Variants in USP33 observed in about 807,000 individuals in gnomAD.
USP33 encodes the protein ubiquitin carboxyl-terminal hydrolase 33.
Under a neutral mutation model 124.2 loss-of-function variants are expected in USP33, and 46 were observed. That is an observed-to-expected ratio of 0.37 (90% CI 0.29 to 0.47). The LOEUF is 0.47. Ranked by LOEUF, USP33 falls within the 20% of genes least tolerant of loss-of-function variation. The pLI is 0.99. For missense variants in USP33, 851 were observed against 1,070.6 expected (o/e 0.79, Z 2.86); for synonymous variants, 350 against 352.3 (o/e 0.99, Z 0.07).
Position 77,719,856 on chromosome 1 carries a change from G to GAA in USP33, c.1692-1217_1692-1216dup, listed in dbSNP as rs554573074. 6.8e-3 allele frequency among the ~76,000 whole-genome samples: 682 copies of GAA among 100,192 alleles called. 11 individuals carry two copies. Among genetic ancestry groups the GAA allele is most frequent in the African/African-American group, 0.018 (549 of 29,770 alleles). 65.7% of individuals were successfully genotyped at this position (100,192 alleles called of 152,430 possible). ...GCGACAGAGCAAGGCTCCCTCTCAA[G>GAA]AAAAAAAAAAAAAAAAAAGTCTTGG... is the stretch of plus-strand genomic sequence containing the variant. On this transcript the variant is annotated intron_variant, in intron 15 of 23. Transcript: ENST00000370794.
At chr1:77,731,203 T>G (rs1677767638) in intron 7 of USP33, among the ~76,000 whole-genome samples, 1 of 152,232 alleles carries the variant, frequency 6.6e-6, no homozygotes, top group African/African-American at 2.4e-5. Context: ...CCAATGATGG[T>G]CAAATTTATA....
intron 5 of USP33, among the ~76,000 whole-genome samples, chr1:77,738,506 A>C (rs1210540820): frequency 6.6e-6 from 1 of 150,426 alleles, no homozygotes; most frequent in Non-Finnish European, 1.5e-5. Flanking sequence ...TTTTAGATGG[A>C]GTCTCACTCT....
At chr1:77,733,832 T>C (rs1678121989) in intron 7 of USP33, among the ~76,000 whole-genome samples, 1 of 152,198 alleles carries the variant, frequency 6.6e-6, no homozygotes, top group Non-Finnish European at 1.5e-5. Context: ...TGCTCTATAA[T>C]TTAATCCAAG....
At chr1:77,708,444 T>C (rs909584652) in intron 21 of USP33, among the ~76,000 whole-genome samples, 6 of 152,222 alleles carry the variant, frequency 3.9e-5, no homozygotes, top group South Asian at 2.1e-4. Flanking sequence ...GCTAACATCT[T>C]TAACAGCAGC....
At chr1:77,711,062 A>G (rs1675191514) in intron 21 of USP33, among the ~76,000 whole-genome samples, 1 of 152,160 alleles carries the variant, frequency 6.6e-6, no homozygotes, top group Non-Finnish European at 1.5e-5. Flanking sequence ...GAGTCCCTCA[A>G]AAAAACAAAA....
At chr1:77,708,836 T>C (rs1466025879) in intron 21 of USP33, among the ~76,000 whole-genome samples, 3 of 152,070 alleles carry the variant, frequency 2.0e-5, no homozygotes, top group Non-Finnish European at 2.9e-5. Flanking sequence ...TGGCACATAA[T>C]TTTGATTTTG....
At chr1:77,712,994 CAGAT>C (rs1450763336) in intron 20 of USP33, among the ~76,000 whole-genome samples, 1 of 152,156 alleles carries the variant, frequency 6.6e-6, no homozygotes, top group African/African-American at 2.4e-5. Flanking sequence ...CATACCTTCA[CAGAT>C]AGATAATTAG....
intron 1 of USP33, among the ~76,000 whole-genome samples, chr1:77,759,094 G>A (rs1485789618): frequency 6.6e-6 from 1 of 152,200 alleles, no homozygotes; most frequent in Admixed American, 6.5e-5. Flanking sequence ...GGCTGCAGAT[G>A]GACAGAAGGT....
chr1:77,757,860 CATGAGG>C (rs1173360117), intron 1 of USP33, among the ~76,000 whole-genome samples: 1 of 152,172 alleles, frequency 6.6e-6, no homozygotes, highest in Non-Finnish European at 1.5e-5. Context: ...AGAGGACTGG[CATGAGG>C]ATCAAGTAAG....
chr1:77,757,131 G>A (rs1365831792), intron 1 of USP33, among the ~76,000 whole-genome samples: 1 of 152,134 alleles, frequency 6.6e-6, no homozygotes, highest in Non-Finnish European at 1.5e-5. Context: ...ACCTTTCAAA[G>A]CTCACTCATC....
At chr1:77,720,136 T>C (rs773207296) in intron 15 of USP33, among the ~76,000 whole-genome samples, 94 of 112,572 alleles carry the variant, frequency 8.4e-4, no homozygotes, top group Admixed American at 1.7e-3. Context: ...TCTTCAGCCT[T>C]GGCGACAGAA....
At chr1:77,701,687 GAGAT>G (rs1052882237) in intron 21 of USP33, 2 of 396,902 alleles carry the variant, frequency 5.0e-6, no homozygotes, top group Non-Finnish European at 8.8e-6. Flanking sequence ...ATTTATTTTT[GAGAT>G]AGAGTTTTGC....
At chr1:77,713,093 A>G (rs1675452093) in intron 20 of USP33, 107 bp downstream of exon 20, 1 of 872,548 alleles carries the variant, frequency 1.1e-6, no homozygotes, top group Non-Finnish European at 1.8e-6. Flanking sequence ...AAGTAAGGGA[A>G]AAGAATAAAC....
At chr1:77,713,512 G>T in intron 19 of USP33, 1 of 357,240 alleles carries the variant, frequency 2.8e-6, no homozygotes, top group East Asian at 6.7e-5. Context: ...AGCGTCCTGA[G>T]TAGCTGGGAC....
At chr1:77,715,041 T>C (rs1675704940) in intron 18 of USP33, 1 of 305,578 alleles carries the variant, frequency 3.3e-6, no homozygotes, top group Non-Finnish European at 5.9e-6. Flanking sequence ...AAGATCAAGC[T>C]AAATAATTAA....
chr1:77,713,015 T>C (rs1557823601), intron 20 of USP33, among the ~76,000 whole-genome samples, 185 bp downstream of exon 20: 1 of 152,010 alleles, frequency 6.6e-6, no homozygotes, highest in African/African-American at 2.4e-5. Context: ...TTAGAAAAAA[T>C]TAAAATTAAT....
chr1:77,739,422 A>G lies in USP33; in HGVS notation c.199-5T>C. ...AGTTAGATAATGCTTTGTCTCCTAT[A>G]TAATTTCACAGTAGAGGGAAAAGAG... On this transcript the variant is annotated splice_polypyrimidine_tract_variant and splice_region_variant and intron_variant, in intron 4 of 23. Transcript: ENST00000370794. The G allele has an allele frequency of 6.3e-7, 1 of 1,584,952 alleles. No homozygotes were observed. Among genetic ancestry groups the G allele is most frequent in the Non-Finnish European group, 8.6e-7 (1 of 1,167,592 alleles).
At chr1:77,750,059 T>C (rs572397374) in intron 1 of USP33, among the ~76,000 whole-genome samples, 216 of 152,120 alleles carry the variant, frequency 1.4e-3, no homozygotes, top group African/African-American at 4.9e-3. Flanking sequence ...GTGCGATGAC[T>C]GTAATTCCAG....
At chr1:77,725,481 C>A in intron 11 of USP33, 141 bp downstream of exon 11, 1 of 1,245,794 alleles carries the variant, frequency 8.0e-7, no homozygotes, top group Non-Finnish European at 1.1e-6. Context: ...AATTTTTAAT[C>A]ATGTCTATGT....
Sources: gnomAD v4.1 joint callset for allele counts (sites outside exome capture counted in the v4.1 genomes callset) on GRCh38, gnomAD v4.1.1 for gene constraint, MANE v1.5 for transcripts, NCBI Gene and HGNC (gene_info 2026-07-23, HGNC 2026-07-21) for gene names.